PDE4B: variants seen among roughly 807,000 people sequenced by gnomAD.
PDE4B encodes 3',5'-cyclic-AMP phosphodiesterase 4B.
In PDE4B, 20 loss-of-function variants were observed where a neutral mutation model predicts 82.2. That is an observed-to-expected ratio of 0.24 (90% CI 0.17 to 0.35). PDE4B has a LOEUF of 0.35. Ranked by LOEUF, PDE4B falls within the 10% of genes least tolerant of loss-of-function variation. PDE4B has a pLI of 1.00. For synonymous variants in PDE4B, 320 were observed against 318.9 expected (o/e 1.00, Z -0.04); for missense variants, 655 against 907.2 (o/e 0.72, Z 3.57).
intron 3 of PDE4B, among the ~76,000 whole-genome samples, chr1:66,028,336 G>A (rs2100789417): frequency 6.6e-6 from 1 of 152,248 alleles, no homozygotes; most frequent in East Asian, 1.9e-4. Context: ...CAAGTACCTA[G>A]GCTACACACA....
chr1:66,105,645 A>T (rs912881055), intron 3 of PDE4B, among the ~76,000 whole-genome samples: 1 of 151,818 alleles, frequency 6.6e-6, no homozygotes, highest in Non-Finnish European at 1.5e-5. Flanking sequence ...CTCCTTGAAG[A>T]AGTCCTTCAC....
At chr1:66,298,926 A>T (rs77965363) in intron 7 of PDE4B, among the ~76,000 whole-genome samples, 44 of 152,020 alleles carry the variant, frequency 2.9e-4, no homozygotes, top group East Asian at 3.9e-4. Context: ...TTTCCTTTTT[A>T]AAAAAAGGAA....
At chr1:66,036,548 T>A (rs775584676) in intron 3 of PDE4B, among the ~76,000 whole-genome samples, 5 of 152,200 alleles carry the variant, frequency 3.3e-5, no homozygotes, top group Non-Finnish European at 5.9e-5. Flanking sequence ...GGACTTCTGT[T>A]TTCTCAACAG....
intron 7 of PDE4B, chr1:66,332,232 C>A: frequency 2.1e-6 from 3 of 1,445,906 alleles, no homozygotes; most frequent in Non-Finnish European, 2.7e-6. Flanking sequence ...CCGTTCCCTC[C>A]GCCTTCTTCC....
chr1:66,004,668 G>A (rs1372201800), intron 3 of PDE4B, among the ~76,000 whole-genome samples: 2 of 151,854 alleles, frequency 1.3e-5, no homozygotes, highest in Admixed American at 6.6e-5. Flanking sequence ...TTTTCAAAGT[G>A]CCAGAACATC....
chr1:66,027,677 G>A (rs899759101), intron 3 of PDE4B, among the ~76,000 whole-genome samples: 1 of 152,160 alleles, frequency 6.6e-6, no homozygotes, highest in Admixed American at 6.5e-5. Flanking sequence ...CAGGCATTGG[G>A]TAAATATAGC....
At chr1:66,229,042 C>G (rs1400116639) in intron 3 of PDE4B, among the ~76,000 whole-genome samples, 2 of 151,864 alleles carry the variant, frequency 1.3e-5, no homozygotes, top group Admixed American at 6.6e-5. Flanking sequence ...GAGTCTTGCT[C>G]TGTCGCCCAG....
At chr1:65,957,342 T>C (rs1282551534) in intron 3 of PDE4B, among the ~76,000 whole-genome samples, 4 of 152,140 alleles carry the variant, frequency 2.6e-5, no homozygotes, top group African/African-American at 9.7e-5. Context: ...CGTTGACTGA[T>C]CTTTCTCTCA....
intron 3 of PDE4B, among the ~76,000 whole-genome samples, chr1:66,204,349 G>A (rs932406850): frequency 6.6e-6 from 1 of 152,230 alleles, no homozygotes; most frequent in African/African-American, 2.4e-5. Context: ...CTGTGTGCTG[G>A]GAGAACCTCT....
chr1:66,314,416 T>C (rs1658876401), intron 7 of PDE4B, among the ~76,000 whole-genome samples: 1 of 152,202 alleles, frequency 6.6e-6, no homozygotes, highest in African/African-American at 2.4e-5. Flanking sequence ...TGTTTTGTTT[T>C]GTTTTGTTTT....
chr1:65,857,581 G>A lies in PDE4B; in HGVS notation c.-70-55664G>A, dbSNP rs370048904. On this transcript the variant is annotated intron_variant, in intron 1 of 16. Transcript: ENST00000341517. The stretch of plus-strand genomic sequence containing the variant: ...GTGCACCTGCAGTCCCAGCTACTAG[G>A]GAGCCTGAGGCAGGTGGCTCTCTTG... Among the ~76,000 whole-genome samples the A allele has an allele frequency of 2.0e-5, 3 of 152,268 alleles. No individual in the cohort carries two copies. In the East Asian group the frequency reaches 5.8e-4, roughly 29 times the overall value.
intron 3 of PDE4B, among the ~76,000 whole-genome samples, chr1:66,192,376 A>C (rs1332891601): frequency 6.6e-6 from 1 of 152,124 alleles, no homozygotes; most frequent in African/African-American, 2.4e-5. Flanking sequence ...ACTCAACCGA[A>C]CTGATCTCAA....
At chr1:66,205,855 T>C (rs1649504365) in intron 3 of PDE4B, among the ~76,000 whole-genome samples, 1 of 152,242 alleles carries the variant, frequency 6.6e-6, no homozygotes, top group Admixed American at 6.5e-5. Context: ...CATGCCCTGT[T>C]GCCTCCCCTG....
At chr1:65,875,718 G>A (rs1340000012) in intron 1 of PDE4B, among the ~76,000 whole-genome samples, 7 of 146,354 alleles carry the variant, frequency 4.8e-5, no homozygotes, top group East Asian at 2.1e-4. Flanking sequence ...AGCAAACACC[G>A]CATATTCTCA....
At chr1:66,196,343 T>C (rs1184706662) in intron 3 of PDE4B, among the ~76,000 whole-genome samples, 15 of 152,196 alleles carry the variant, frequency 9.9e-5, no homozygotes, top group Non-Finnish European at 1.5e-5. Context: ...TAGGCCTTTT[T>C]CTGCATCAAC....
At chr1:66,059,384 A>G (rs1655469429) in intron 3 of PDE4B, among the ~76,000 whole-genome samples, 1 of 152,186 alleles carries the variant, frequency 6.6e-6, no homozygotes, top group South Asian at 2.1e-4. Flanking sequence ...ATTTTCAGGT[A>G]TCTTTTCAGC....
chr1:66,008,113 C>G (rs1025515194), intron 3 of PDE4B, among the ~76,000 whole-genome samples: 2 of 152,118 alleles, frequency 1.3e-5, no homozygotes, highest in Non-Finnish European at 2.9e-5. Flanking sequence ...TTCATTTGCT[C>G]TTACACATAA....
At chr1:66,059,073 C>T (rs534521759) in intron 3 of PDE4B, among the ~76,000 whole-genome samples, 7 of 152,212 alleles carry the variant, frequency 4.6e-5, no homozygotes, top group Admixed American at 3.3e-4. Flanking sequence ...TTTTTTCCAC[C>T]ATATACCCTC....
chr1:66,144,277 A>G (rs1158684560), intron 3 of PDE4B, among the ~76,000 whole-genome samples: 1 of 152,206 alleles, frequency 6.6e-6, no homozygotes. Flanking sequence ...TTATTGTGCC[A>G]CTGTTATGTG....
Sources: gnomAD v4.1 joint callset for allele counts (sites outside exome capture counted in the v4.1 genomes callset) on GRCh38, gnomAD v4.1.1 for gene constraint, MANE v1.5 for transcripts, NCBI Gene and HGNC (gene_info 2026-07-23, HGNC 2026-07-21) for gene names.